MORN1: variants seen among roughly 807,000 people sequenced by gnomAD.
MORN1 encodes MORN repeat containing 1.
MORN1 carries 67 observed loss-of-function variants against 61.9 expected under a neutral mutation model. That is an observed-to-expected ratio of 1.08 (90% CI 0.89 to 1.33). The LOEUF is 1.33. Among genes scored for constraint, MORN1 ranks in the 40% most tolerant of loss-of-function variants. The pLI, the probability that MORN1 is intolerant of heterozygous loss-of-function variation, is 0.00. For synonymous variants in MORN1, 301 were observed against 292.0 expected, an observed-to-expected ratio of 1.03 and a Z score of -0.31; for missense variants, 752 against 691.2, an observed-to-expected ratio of 1.09 and a Z score of -0.99.
At chr1:2,378,694 C>T (rs1427280538) in intron 6 of MORN1, 1 of 346,834 alleles carries the variant, frequency 2.9e-6, no homozygotes, top group Non-Finnish European at 5.7e-6. Flanking sequence ...CTGATGTGCA[C>T]ACACACGTGT....
chr1:2,366,776 T>C (rs1283111847), intron 8 of MORN1, among the ~76,000 whole-genome samples: 1 of 152,192 alleles, frequency 6.6e-6, no homozygotes, highest in Non-Finnish European at 1.5e-5. Context: ...CTTCAAGTGA[T>C]GTGCTCGCCT....
intron 12 of MORN1, among the ~76,000 whole-genome samples, chr1:2,333,116 G>A (rs985743892): frequency 6.6e-6 from 1 of 152,250 alleles, no homozygotes; most frequent in African/African-American, 2.4e-5. Flanking sequence ...GGTGTTGGGG[G>A]GCGTGACTGG....
chr1:2,372,234 T>G lies in MORN1; in HGVS notation c.745+247A>C. On this transcript the variant is annotated intron_variant, in intron 8 of 13. Coordinates refer to ENST00000378531, the MANE Select transcript of MORN1 (RefSeq NM_024848.3). The surrounding 1 kb of genome is among the most constrained non-coding windows in gnomAD (Gnocchi z 5.4). ...CACCTGTGCAAGGCATACACACATA[T>G]GCACACACATACAGGAGCACGCACA... 2.1e-6 allele frequency: 1 copy of G among 471,490 alleles called. No individual in the cohort carries two copies. 29.2% of individuals were successfully genotyped at this position (471,490 alleles called of 1,614,324 possible).
chr1:2,388,315 T>C lies in MORN1; in HGVS notation c.171A>G (p.Lys57=). ...ACGCCCCTTCGTAATAACTGCCATC[T>C]TTAAATAACAACTTCCCGTGACCTG... The part of the protein sequence containing the change: ...RKHGHGKLLF[K]DGSYYEGAFV... The change falls in exon 3 of 14, where the codon AAA becomes AAG. Residue 57 remains lysine (K), a synonymous_variant. Transcript: ENST00000378531. The C allele has an allele frequency of 6.2e-7, 1 of 1,614,018 alleles. No individual in the cohort carries two copies. The highest frequency in any genetic ancestry group is 8.5e-7 in the Non-Finnish European group (1 of 1,179,978).
rs368783199 is a variant in MORN1, at chr1:2,372,640, A to G, written c.635-49T>C. 19 of 1,471,982 alleles carry G rather than the reference A, an allele frequency of 1.3e-5. No homozygotes were observed. Among genetic ancestry groups the G allele is most frequent in the Admixed American group, 5.7e-5 (3 of 52,770 alleles). The allele number at this position is 1,471,982 out of a possible 1,614,324, so 91.2% of individuals were successfully genotyped here. A position where few individuals can be genotyped will look rare whatever the true frequency, so the allele number is the denominator to read the frequency against. On this transcript the variant is annotated intron_variant, in intron 7 of 13. Coordinates refer to ENST00000378531, the MANE Select transcript of MORN1 (RefSeq NM_024848.3). The surrounding 1 kb of genome is among the most constrained non-coding windows in gnomAD (Gnocchi z 5.4). ...TTAGCGGTGACTGGCATGGTCCCCC[A>G]CCCACCCCATGGCTGAGTCAGCAGT...
rs1182573378 is a variant in MORN1, at chr1:2,337,643, CCA to C, written c.1037-795_1037-794del. On this transcript the variant is annotated intron_variant, in intron 10 of 13. Transcript: ENST00000378531. This position sits in a 1 kb window ranked among gnomAD's most constrained non-coding sequence, Gnocchi z 5.7. ...AGGAGATAACTTCAGTGCAGCCCCT[CCA>C]CACACACACATCAGAGCCCACGTTC... is the stretch of plus-strand genomic sequence containing the variant. 6.6e-6 allele frequency among the ~76,000 whole-genome samples: 1 copy of C among 152,142 alleles called. No homozygotes were observed. Among genetic ancestry groups the C allele is most frequent in the Non-Finnish European group, 1.5e-5 (1 of 68,018 alleles).
rs552719625 is a variant in MORN1, at chr1:2,362,309, T to C, written c.746-3594A>G. 3.9e-4 allele frequency among the ~76,000 whole-genome samples: 60 copies of C among 152,304 alleles called. 1 individual carries two copies. The South Asian group carries it at 0.011, about 29-fold the overall frequency. On this transcript the variant is annotated intron_variant, in intron 8 of 13. Coordinates refer to ENST00000378531, the MANE Select transcript of MORN1 (RefSeq NM_024848.3). The stretch of plus-strand genomic sequence containing the variant: ...AAAGATCATCCTTGCTGTCTTCACA[T>C]TGAATACACTGAGGAGGAGGAGGAA...
intron 10 of MORN1, among the ~76,000 whole-genome samples, chr1:2,342,573 G>T (rs1160607419): frequency 6.6e-6 from 1 of 152,126 alleles, no homozygotes; most frequent in Non-Finnish European, 1.5e-5. Context: ...AACACGCGGG[G>T]GCACACAAGA....
chr1:2,341,723 G>C (rs1031623491), intron 10 of MORN1, among the ~76,000 whole-genome samples: 1 of 151,840 alleles, frequency 6.6e-6, no homozygotes, highest in East Asian at 1.9e-4. Flanking sequence ...AAAAGAAAAG[G>C]CTAAAAGTCT....
intron 10 of MORN1, among the ~76,000 whole-genome samples, chr1:2,343,511 C>T (rs1163686242): frequency 2.0e-5 from 3 of 152,156 alleles, no homozygotes; most frequent in Admixed American, 2.0e-4. Context: ...GCAGCAGTGG[C>T]CCCTCGAGGA....
At chr1:2,363,805 C>CAAACAACAAAAAA (rs140866260) in intron 8 of MORN1, among the ~76,000 whole-genome samples, 4 of 124,888 alleles carry the variant, frequency 3.2e-5, no homozygotes, top group African/African-American at 1.3e-4. Flanking sequence ...AACAAACAAA[C>CAAACAACAAAAAA]AAAAAAATAT....
chr1:2,373,533 G>C (rs1224267442), intron 7 of MORN1, among the ~76,000 whole-genome samples: 1 of 152,172 alleles, frequency 6.6e-6, no homozygotes, highest in Non-Finnish European at 1.5e-5. Context: ...TTCCCTTGAG[G>C]TGAGGTCACC....
intron 12 of MORN1, among the ~76,000 whole-genome samples, chr1:2,324,774 TG>T (rs564773374): frequency 9.9e-5 from 15 of 152,022 alleles, no homozygotes; most frequent in Admixed American, 9.2e-4. Flanking sequence ...AGGCAGTCTC[TG>T]GGGGGGCCCA....
At chr1:2,345,127 G>A (rs570271617) in intron 10 of MORN1, among the ~76,000 whole-genome samples, 210 of 150,208 alleles carry the variant, frequency 1.4e-3, no homozygotes, top group Admixed American at 2.4e-3. Context: ...CATGTGCCCC[G>A]AAGACAACGT....
intron 12 of MORN1, among the ~76,000 whole-genome samples, chr1:2,333,071 C>T (rs1014877551): frequency 2.0e-5 from 3 of 152,248 alleles, no homozygotes; most frequent in Non-Finnish European, 4.4e-5. Flanking sequence ...AAGCTGGCAT[C>T]GTTGGGGTCC....
chr1:2,385,321 T>C, intron 5 of MORN1: 1 of 542,182 alleles, frequency 1.8e-6, no homozygotes, highest in Admixed American at 3.4e-5. Context: ...CTACTCAAAA[T>C]GGGAAATGAC....
intron 12 of MORN1, among the ~76,000 whole-genome samples, chr1:2,324,969 G>C (rs1014694470): frequency 2.8e-5 from 2 of 70,524 alleles, no homozygotes; most frequent in African/African-American, 3.3e-4. Flanking sequence ...CTGCACGTGA[G>C]GAAGCTGGGC....
intron 10 of MORN1, among the ~76,000 whole-genome samples, chr1:2,343,316 G>A (rs370730011): frequency 4.1e-4 from 63 of 152,306 alleles, no homozygotes; most frequent in African/African-American, 1.3e-3. Context: ...TCGCCTCCAG[G>A]AGCCCCCCAC....
rs528296121 is a variant in MORN1, at chr1:2,338,954, C to T, written c.1037-2104G>A. 3.6e-4 allele frequency among the ~76,000 whole-genome samples: 55 copies of T among 152,182 alleles called. 1 individual carries two copies. Among genetic ancestry groups the T allele is most frequent in the Admixed American group, 3.3e-3 (51 of 15,278 alleles). On this transcript the variant is annotated intron_variant, in intron 10 of 13. Transcript: ENST00000378531. Reference sequence around the variant, plus strand: ...CCTGCGCAGCACAAACAGAAATTAACGGCTTTCAGTTCAGCAGGAAGAGGA... The same window carrying T: ...CCTGCGCAGCACAAACAGAAATTAATGGCTTTCAGTTCAGCAGGAAGAGGA...
Sources: gnomAD v4.1 joint callset for allele counts (sites outside exome capture counted in the v4.1 genomes callset) on GRCh38, gnomAD v4.1.1 for gene constraint, Gnocchi (gnomAD v3.1) non-coding constraint, MANE v1.5 for transcripts, NCBI Gene and HGNC (gene_info 2026-07-23, HGNC 2026-07-21) for gene names.